EDIL3: variants seen among roughly 807,000 people sequenced by gnomAD.
EDIL3 encodes EGF like and discoidin domains 3, also known as EGF-like repeat and discoidin I-like domain-containing protein 3.
A neutral mutation model predicts 67.4 loss-of-function variants in EDIL3; 37 were observed. That is an observed-to-expected ratio of 0.55 (90% CI 0.42 to 0.72). The LOEUF is 0.72. Ranked by LOEUF, EDIL3 falls within the 30% of genes least tolerant of loss-of-function variation. EDIL3 has a pLI of 0.00. For synonymous variants in EDIL3, 195 were observed against 196.3 expected, an observed-to-expected ratio of 0.99 and a Z score of 0.05; for missense variants, 527 against 586.3, an observed-to-expected ratio of 0.90 and a Z score of 1.04.
intron 6 of EDIL3, among the ~76,000 whole-genome samples, chr5:84,094,489 T>C (rs1747225553): frequency 6.6e-6 from 1 of 152,070 alleles, no homozygotes; most frequent in South Asian, 2.1e-4. Flanking sequence ...ATTCAGCTTC[T>C]GTAACTAGAA....
At chr5:83,998,938 A>G (rs1281608939) in intron 9 of EDIL3, among the ~76,000 whole-genome samples, 1 of 152,156 alleles carries the variant, frequency 6.6e-6, no homozygotes, top group Non-Finnish European at 1.5e-5. Flanking sequence ...CAGCACAGAC[A>G]GTGACTCCAT....
chr5:84,210,730 A>T (rs1196477545), intron 3 of EDIL3, among the ~76,000 whole-genome samples: 1 of 152,228 alleles, frequency 6.6e-6, no homozygotes, highest in African/African-American at 2.4e-5. Context: ...TGAGGTTTTG[A>T]AAATATCTAC....
chr5:84,037,671 A>G (rs1746045357), intron 9 of EDIL3, among the ~76,000 whole-genome samples: 1 of 152,316 alleles, frequency 6.6e-6, no homozygotes, highest in African/African-American at 2.4e-5. Flanking sequence ...GTTATTTATA[A>G]GCAAACACTG....
At chr5:84,070,606 A>T (rs1297208394) in intron 6 of EDIL3, among the ~76,000 whole-genome samples, 6 of 144,650 alleles carry the variant, frequency 4.1e-5, no homozygotes, top group African/African-American at 1.0e-4. Flanking sequence ...TATGGTTAAG[A>T]GTGTGTGTGT....
At chr5:84,125,862 G>A (rs1747861229) in intron 5 of EDIL3, among the ~76,000 whole-genome samples, 1 of 151,750 alleles carries the variant, frequency 6.6e-6, no homozygotes, top group East Asian at 1.9e-4. Flanking sequence ...GACTGAAAAG[G>A]TTCGGTTGAA....
At chr5:83,974,335 A>T (rs1422310909) in intron 9 of EDIL3, among the ~76,000 whole-genome samples, 1 of 151,866 alleles carries the variant, frequency 6.6e-6, no homozygotes, top group Non-Finnish European at 1.5e-5. Context: ...TTAGCAGTCG[A>T]AAAACAGCCC....
At chr5:84,369,294 T>C (rs766398786) in intron 1 of EDIL3, among the ~76,000 whole-genome samples, 2 of 151,758 alleles carry the variant, frequency 1.3e-5, no homozygotes, top group Non-Finnish European at 2.9e-5. Flanking sequence ...TATGCATACA[T>C]ATATACATAC....
chr5:84,080,042 C>A (rs1453560199), intron 6 of EDIL3, among the ~76,000 whole-genome samples: 2 of 128,546 alleles, frequency 1.6e-5, no homozygotes, highest in African/African-American at 5.9e-5. Flanking sequence ...GAGGCCGAGG[C>A]GGGCGGATCA....
intron 9 of EDIL3, among the ~76,000 whole-genome samples, chr5:84,005,665 G>C (rs1318916352): frequency 6.6e-6 from 1 of 151,850 alleles, no homozygotes; most frequent in African/African-American, 2.4e-5. Context: ...GCATCAAAGC[G>C]ACATACCTCA....
intron 2 of EDIL3, among the ~76,000 whole-genome samples, chr5:84,252,511 A>AAAAAAAAAAAAAAAAAAAAAAAAAAC (rs1745044646): frequency 6.7e-6 from 1 of 148,160 alleles, no homozygotes; most frequent in Non-Finnish European, 1.5e-5. Flanking sequence ...AAAAAAAAAA[A>AAAAAAAAAAAAAAAAAAAAAAAAAAC]AAAAAAATTC....
At chr5:84,320,384 T>G (rs1746611093) in intron 1 of EDIL3, among the ~76,000 whole-genome samples, 1 of 152,042 alleles carries the variant, frequency 6.6e-6, no homozygotes, top group Non-Finnish European at 1.5e-5. Context: ...AGGGTGCACC[T>G]TAAATCCAAT....
At chr5:83,966,629 C>G (rs1015962001) in intron 9 of EDIL3, among the ~76,000 whole-genome samples, 1 of 152,028 alleles carries the variant, frequency 6.6e-6, no homozygotes, top group East Asian at 1.9e-4. Flanking sequence ...GGACATGCTA[C>G]TTTACCTCTC....
chr5:84,105,228 C>A (rs541581884), intron 6 of EDIL3, among the ~76,000 whole-genome samples: 80 of 152,190 alleles, frequency 5.3e-4, no homozygotes, highest in Middle Eastern at 6.8e-3. Flanking sequence ...ATCTGGAGTT[C>A]ATTTTGCACA....
At chr5:84,249,382 TCTA>T (rs1414591265) in intron 2 of EDIL3, among the ~76,000 whole-genome samples, 49 of 13,780 alleles carry the variant, frequency 3.6e-3, no homozygotes, top group African/African-American at 9.8e-3. Context: ...TATCTTTCTA[TCTA>T]TCTATCTATC....
At chr5:84,268,495 T>C (rs968266633) in intron 1 of EDIL3, among the ~76,000 whole-genome samples, 2 of 152,198 alleles carry the variant, frequency 1.3e-5, no homozygotes, top group Middle Eastern at 3.2e-3. Flanking sequence ...TAGATATCAA[T>C]ATATTTCTAA....
At chr5:84,284,147 T>C (rs1745762629) in intron 1 of EDIL3, among the ~76,000 whole-genome samples, 1 of 152,214 alleles carries the variant, frequency 6.6e-6, no homozygotes, top group South Asian at 2.1e-4. Context: ...TTAATATACA[T>C]GTCTGTGATT....
At position 84,254,242 on chromosome 5, in the gene EDIL3, ATTT is replaced by A. The variant is rs111238659; in HGVS notation, c.68-33_68-31del. On this transcript the variant is annotated intron_variant, in intron 1 of 10. Transcript: ENST00000296591. ...GGCATAAAAAAAAACCGAAATTGAC[ATTT>A]TTTTTTTGTCTTGGACATTGAAACA... 10,999 of 1,445,666 alleles carry A rather than the reference ATTT, an allele frequency of 7.6e-3. 59 individuals carry two copies. The highest frequency in any genetic ancestry group is 0.025 in the Admixed American group (1,277 of 50,090). 89.6% of individuals were successfully genotyped at this position (1,445,666 alleles called of 1,614,324 possible).
chr5:84,335,353 T>C (rs1456480266), intron 1 of EDIL3, among the ~76,000 whole-genome samples: 1 of 152,212 alleles, frequency 6.6e-6, no homozygotes, highest in Non-Finnish European at 1.5e-5. Flanking sequence ...CTTCCTGCTC[T>C]CTTATCACTA....
intron 4 of EDIL3, among the ~76,000 whole-genome samples, chr5:84,171,092 G>A (rs1748804054): frequency 6.6e-6 from 1 of 152,052 alleles, no homozygotes; most frequent in South Asian, 2.1e-4. Flanking sequence ...ACCGCACCTG[G>A]CTGAATCAGT....
Sources: allele counts gnomAD v4.1 joint callset (sites outside exome capture counted in the v4.1 genomes callset), GRCh38; gene constraint gnomAD v4.1.1; transcripts MANE v1.5; gene names NCBI Gene and HGNC (gene_info 2026-07-23, HGNC 2026-07-21).